Variants in WBP2NL observed in about 807,000 individuals in gnomAD.
The protein encoded by WBP2NL is postacrosomal sheath WW domain-binding protein.
A neutral mutation model predicts 23.3 loss-of-function variants in WBP2NL; 27 were observed. The ratio of observed to expected loss-of-function variants is 1.16; its 90% CI spans 0.85 to 1.60. The LOEUF is 1.60. Ranked by LOEUF, WBP2NL falls within the 40% of genes most tolerant of loss-of-function variation. The probability of loss-of-function intolerance (pLI) is 0.00; values close to 1 mark genes in which losing one functional copy is unlikely to be tolerated. For synonymous variants in WBP2NL, 151 were observed against 145.9 expected, an observed-to-expected ratio of 1.03 and a Z score of -0.25; for missense variants, 370 against 389.5, an observed-to-expected ratio of 0.95 and a Z score of 0.42.
chr22:42,051,931 A>G (rs1403249381), intron 8 of WBP2NL, among the ~76,000 whole-genome samples: 2 of 152,224 alleles, frequency 1.3e-5, no homozygotes, highest in Non-Finnish European at 2.9e-5. Flanking sequence ...CATTATCCCC[A>G]TTATAGAGGA....
At chr22:42,030,808 C>T (rs1924893775), downstream of WBP2NL, 2 of 152,322 alleles carry the variant, frequency 1.3e-5, no homozygotes, top group South Asian at 4.1e-4. Flanking sequence ...TTTTCAGTGT[C>T]TGCTGGAATG....
At chr22:41,999,417 A>T (rs1173471609) in intron 1 of WBP2NL, among the ~76,000 whole-genome samples, 1 of 152,126 alleles carries the variant, frequency 6.6e-6, no homozygotes, top group African/African-American at 2.4e-5. Flanking sequence ...TTCTCCTTGG[A>T]CCTGGAAACT....
At chr22:42,005,116 C>T (rs1468628439) in intron 1 of WBP2NL, among the ~76,000 whole-genome samples, 1 of 151,954 alleles carries the variant, frequency 6.6e-6, no homozygotes, top group Admixed American at 6.6e-5. Flanking sequence ...ACTCAGGAGG[C>T]TGAGGCAGGA....
intron 1 of WBP2NL, chr22:42,002,036 T>G: frequency 1.9e-6 from 1 of 521,284 alleles, no homozygotes; most frequent in Non-Finnish European, 3.2e-6. Flanking sequence ...CGGGGCTGAT[T>G]GTGAAGTCAT....
chr22:42,057,940 G>T (rs1926149673), intron 8 of WBP2NL, among the ~76,000 whole-genome samples: 1 of 62,544 alleles, frequency 1.6e-5, no homozygotes, highest in Non-Finnish European at 2.7e-5. Flanking sequence ...TTTTTGAGAT[G>T]GAGTCTGGCT....
rs1242503845 is a variant in WBP2NL, at chr22:42,019,717, C to T, written c.227C>T (p.Pro76Leu). The change falls in exon 3 of 6, where the codon CCA becomes CTA. Residue 76 changes from proline (P) to leucine (L), a missense_variant. Physicochemically the swap from Pro to Leu is moderately conservative, Grantham distance 98 (BLOSUM62 -3). Coordinates refer to ENST00000328823, the MANE Select transcript of WBP2NL (RefSeq NM_152613.3). ...ISDPMLSFMMPFDLMTNLTVE... is the reference protein window; with the variant it reads ...ISDPMLSFMMLFDLMTNLTVE... ...GATCCCATGTTGTCTTTTATGATGC[C>T]ATTTGATCTGATGACGAACCTCACT... 2 of 1,614,124 alleles carry T rather than the reference C, an allele frequency of 1.2e-6. No individual in the cohort carries two copies. Among genetic ancestry groups the T allele is most frequent in the Non-Finnish European group, 8.5e-7 (1 of 1,180,032 alleles).
At chr22:42,049,105 A>G (rs113012460) in intron 8 of WBP2NL, among the ~76,000 whole-genome samples, 171 of 152,358 alleles carry the variant, frequency 1.1e-3, no homozygotes, top group Admixed American at 2.0e-3. Flanking sequence ...ATCCTTTAAG[A>G]CTTGCTGTAA....
intron 8 of WBP2NL, among the ~76,000 whole-genome samples, chr22:42,051,613 T>C (rs1446907894): frequency 6.6e-6 from 1 of 152,208 alleles, no homozygotes; most frequent in Non-Finnish European, 1.5e-5. Context: ...AGAGGGTATA[T>C]GGGAACTCTG....
intron 1 of WBP2NL, among the ~76,000 whole-genome samples, chr22:42,004,796 T>C (rs1922054413): frequency 1.3e-5 from 2 of 152,026 alleles, no homozygotes; most frequent in Non-Finnish European, 2.9e-5. Context: ...GTGGTGGTGA[T>C]ACCTGTAATC....
Position 41,998,898 on chromosome 22 carries a change from CG to C in WBP2NL, c.62+20del. 1 of 1,604,796 alleles carries C rather than the reference CG, an allele frequency of 6.2e-7. No individual in the cohort carries two copies. Among genetic ancestry groups the C allele is most frequent in the South Asian group, 1.1e-5 (1 of 90,446 alleles). The stretch of plus-strand genomic sequence containing the variant: ...GGTGAAAGGTGCCTGAGGGGAAGCA[CG>C]GCGTGCTGTCGGAGGAGAGGAGACG... On this transcript the variant is annotated intron_variant, in intron 1 of 5. Coordinates refer to ENST00000328823, the MANE Select transcript of WBP2NL (RefSeq NM_152613.3).
chr22:42,018,668 G>A (rs186454858), intron 1 of WBP2NL, among the ~76,000 whole-genome samples: 7 of 152,098 alleles, frequency 4.6e-5, no homozygotes, highest in African/African-American at 1.2e-4. Context: ...CTTTACCAGC[G>A]TCAAAGAACC....
intron 1 of WBP2NL, chr22:42,000,994 A>G (rs1479190595): frequency 3.8e-6 from 2 of 520,288 alleles, no homozygotes; most frequent in East Asian, 3.6e-5. Flanking sequence ...CTCCGTCTCA[A>G]AAAAAAAGAA....
At chr22:42,025,881 C>T (rs1412707560) in intron 5 of WBP2NL, among the ~76,000 whole-genome samples, 2 of 152,080 alleles carry the variant, frequency 1.3e-5, no homozygotes, top group Non-Finnish European at 2.9e-5. Context: ...AGTCATCTAT[C>T]CATATGATGA....
intron 5 of WBP2NL, among the ~76,000 whole-genome samples, chr22:42,022,739 G>A (rs1398962119): frequency 6.6e-6 from 1 of 152,108 alleles, no homozygotes; most frequent in African/African-American, 2.4e-5. Flanking sequence ...CTCGAGCCCT[G>A]GGTCCTTTAA....
At chr22:42,045,479 GCTAA>G (rs558400154) in intron 8 of WBP2NL, among the ~76,000 whole-genome samples, 3 of 152,166 alleles carry the variant, frequency 2.0e-5, no homozygotes, top group Admixed American at 6.5e-5. Context: ...CTCTCGCCAG[GCTAA>G]CTAAGGAAAA....
intron 8 of WBP2NL, among the ~76,000 whole-genome samples, chr22:42,055,711 T>G (rs1852576866): frequency 6.6e-6 from 1 of 152,250 alleles, no homozygotes; most frequent in Non-Finnish European, 1.5e-5. Context: ...GCTTTATATA[T>G]TTGGACTCGT....
chr22:42,056,150 A>G (rs1460867039), intron 8 of WBP2NL, among the ~76,000 whole-genome samples: 1 of 151,850 alleles, frequency 6.6e-6, no homozygotes, highest in Non-Finnish European at 1.5e-5. Context: ...ATTTTGTACC[A>G]TTTTATCTCT....
downstream of WBP2NL, among the ~76,000 whole-genome samples, chr22:42,036,782 A>C (rs958989278): frequency 6.6e-6 from 1 of 151,928 alleles, no homozygotes; most frequent in African/African-American, 2.4e-5. Context: ...AGTTATTTGT[A>C]TTTTTAGCAT....
At chr22:42,057,644 A>G (rs1926092332) in intron 8 of WBP2NL, among the ~76,000 whole-genome samples, 1 of 151,124 alleles carries the variant, frequency 6.6e-6, no homozygotes, top group Admixed American at 6.6e-5. Context: ...AGTATGTGGC[A>G]GGTTTTTCAA....
Sources: allele counts gnomAD v4.1 joint callset (sites outside exome capture counted in the v4.1 genomes callset), GRCh38; gene constraint gnomAD v4.1.1; transcripts MANE v1.5; gene names NCBI Gene and HGNC (gene_info 2026-07-23, HGNC 2026-07-21).